CALCA: variants seen among roughly 807,000 people sequenced by gnomAD.
CALCA encodes calcitonin related polypeptide alpha.
A neutral mutation model predicts 6.9 loss-of-function variants in CALCA; 4 were observed. The observed-to-expected ratio is 0.58, with a 90% confidence interval of 0.29 to 1.33. The LOEUF (loss-of-function observed/expected upper bound fraction) is 1.33, where lower values mean the gene tolerates loss of function less well. Ranked by LOEUF, CALCA falls within the 40% of genes most tolerant of loss-of-function variation. The pLI is 0.09. For synonymous variants in CALCA, 78 were observed against 70.0 expected (o/e 1.11, Z -0.57); for missense variants, 174 against 178.3 (o/e 0.98, Z 0.14).
In CALCA at chr11:14,970,038, G is replaced by C. The variant is rs782336914; in HGVS notation, c.124C>G (p.Leu42Val). 1 of 1,614,234 alleles carries C rather than the reference G, an allele frequency of 6.2e-7. No individual in the cohort carries two copies. Among genetic ancestry groups the C allele is most frequent in the Non-Finnish European group, 8.5e-7 (1 of 1,180,040 alleles). Residue 42 changes from leucine to valine, a missense_variant, in exon 3 of 4, where the codon CTC becomes GTC. By Grantham distance (32) the Leu-to-Val change is conservative (BLOSUM62 1). Transcript: ENST00000331587. ...LESSPADPAT[L>V]SEDEARLLLA... ...AGGAGGCGCGCTTCGTCCTCACTGA[G>C]CGTGGCCGGGTCTGCTGGGCTGCTC...
chr11:14,970,069 G>C lies in CALCA; in HGVS notation c.93C>G (p.Ala31=). 1 of 1,614,212 alleles carries C rather than the reference G, an allele frequency of 6.2e-7. No individual in the cohort carries two copies. Among genetic ancestry groups the C allele is most frequent in the Non-Finnish European group, 8.5e-7 (1 of 1,180,024 alleles). ...CCGGGTCTGCTGGGCTGCTCTCCAG[G>C]GCAGACCTGTGGAGGGGAAGCAAAC... The part of the protein sequence containing the change: ...GSLHAAPFRS[A]LESSPADPAT... The change falls in exon 3 of 4, where the codon GCC becomes GCG. Residue 31 remains alanine (A), a synonymous_variant. Transcript: ENST00000331587.
intron 1 of CALCA, among the ~76,000 whole-genome samples, chr11:14,971,943 CT>C (rs1849616405): frequency 2.0e-5 from 3 of 152,194 alleles, no homozygotes; most frequent in Non-Finnish European, 4.4e-5. Context: ...GAAAGTTTCT[CT>C]TGCCTCAGGC....
chr11:14,970,079 T>C lies in CALCA; in HGVS notation c.87-4A>G, dbSNP rs1474402677. The C allele has an allele frequency of 1.2e-6, 2 of 1,614,164 alleles. No homozygotes were observed. Among genetic ancestry groups the C allele is most frequent in the Admixed American group, 1.7e-5 (1 of 60,024 alleles). The stretch of plus-strand genomic sequence containing the variant: ...TGGGCTGCTCTCCAGGGCAGACCTG[T>C]GGAGGGGAAGCAAACTCAGTGCAGG... On this transcript the variant is annotated splice_region_variant and splice_polypyrimidine_tract_variant and intron_variant, in intron 2 of 3. Transcript: ENST00000331587.
downstream of CALCA, chr11:14,968,327 G>T: frequency 2.0e-6 from 1 of 512,192 alleles, no homozygotes; most frequent in African/African-American, 2.0e-5. Context: ...AAGTCCTAGA[G>T]GTGCTTACCT....
At chr11:14,967,796 C>T (rs1555025671), downstream of CALCA, 2 of 1,614,200 alleles carry the variant, frequency 1.2e-6, no homozygotes, top group South Asian at 1.1e-5. Flanking sequence ...CTCAGCAAGC[C>T]TGCCAGCCGA....
chr11:14,971,000 C>T, intron 2 of CALCA, 107 bp downstream of exon 2: 1 of 851,788 alleles, frequency 1.2e-6, no homozygotes, highest in Non-Finnish European at 2.0e-6. Context: ...TGCATGAGTA[C>T]ATACCTTACC....
chr11:14,969,623 C>T (rs1849543200), intron 3 of CALCA, among the ~76,000 whole-genome samples: 1 of 152,220 alleles, frequency 6.6e-6, no homozygotes, highest in African/African-American at 2.4e-5. Flanking sequence ...CTAGTCTTAA[C>T]TCATCCAGTG....
chr11:14,971,012 C>T (rs1253171996), intron 2 of CALCA, 95 bp downstream of exon 2: 16 of 977,842 alleles, frequency 1.6e-5, no homozygotes, highest in Non-Finnish European at 2.0e-5. Context: ...TACCTTACCC[C>T]GGCCCCCTGT....
chr11:14,971,057 G>A (rs782680387), intron 2 of CALCA, 50 bp downstream of exon 2: 1 of 1,396,114 alleles, frequency 7.2e-7, no homozygotes, highest in Non-Finnish European at 1.0e-6. Flanking sequence ...ACACTTAAGA[G>A]GCATGGAATT....
chr11:14,968,937 G>T lies in CALCA; in HGVS notation c.288C>A (p.Tyr96Ter). ...GNLSTCMLGTYTQDFNKFHTF... is the reference protein window; with the variant it reads ...GNLSTCMLGT ...TGTGAAACTTGTTGAAGTCCTGCGT[G>T]TATGTGCCCAGCATGCAAGTACTCA... The change falls in exon 4 of 4, where the codon TAC (tyrosine) becomes TAA (stop). Residue 96 changes from tyrosine (Y) to a stop codon, truncating the protein, a stop_gained. Coordinates refer to ENST00000331587, the MANE Select transcript of CALCA (RefSeq NM_001741.3). LOFTEE classifies it low-confidence loss of function (END_TRUNC). 1.9e-6 allele frequency: 3 copies of T among 1,614,078 alleles called. No homozygotes were observed. Among genetic ancestry groups the T allele is most frequent in the Non-Finnish European group, 2.5e-6 (3 of 1,180,020 alleles).
intron 1 of CALCA, 62 bp from the exon 2 acceptor site, chr11:14,971,263 C>G: frequency 9.9e-7 from 1 of 1,009,094 alleles, no homozygotes; most frequent in East Asian, 2.4e-5. Context: ...GCCCACAGAC[C>G]TTGGCTCCTA....
downstream of CALCA, chr11:14,968,220 A>G (rs184999221): frequency 5.7e-5 from 19 of 334,576 alleles, 1 homozygote; most frequent in Admixed American, 7.5e-4. Context: ...AAAGGACTAT[A>G]AAATCTACAC....
At position 14,968,805 on chromosome 11, in the gene CALCA, G is replaced by C; in HGVS notation, c.420C>G (p.Ala140=). The C allele has an allele frequency of 1.2e-6, 2 of 1,614,126 alleles. No individual in the cohort carries two copies. The highest frequency in any genetic ancestry group is 1.7e-6 in the Non-Finnish European group (2 of 1,180,016). The change falls in exon 4 of 4, where the codon GCC becomes GCG. Residue 140 remains alanine (A), a synonymous_variant. Transcript: ENST00000331587. The part of the protein sequence containing the change: ...HRPHVSMPQN[A]N ...AGGAAGGAAAGGGAGGAGTTTAGTTGGCATTCTGGGGCATGCTAACATGAG... is the reference window on the plus strand; with the variant it reads ...AGGAAGGAAAGGGAGGAGTTTAGTTCGCATTCTGGGGCATGCTAACATGAG...
chr11:14,970,771 G>C (rs1251328877), intron 2 of CALCA, among the ~76,000 whole-genome samples: 1 of 151,934 alleles, frequency 6.6e-6, no homozygotes, highest in Non-Finnish European at 1.5e-5. Context: ...ATGGTGGTGG[G>C]CGCCTGTAAT....
chr11:14,971,968 C>G (rs1245318289), intron 1 of CALCA, among the ~76,000 whole-genome samples: 1 of 152,176 alleles, frequency 6.6e-6, no homozygotes, highest in Non-Finnish European at 1.5e-5. Flanking sequence ...GTGCGCGGTC[C>G]CTGGGGAGCC....
At chr11:14,970,965 T>G in intron 2 of CALCA, 142 bp downstream of exon 2, 4 of 679,592 alleles carry the variant, frequency 5.9e-6, no homozygotes, top group Non-Finnish European at 8.0e-6. Flanking sequence ...GTACCACACA[T>G]TTTTATATCA....
downstream of CALCA, chr11:14,968,054 T>A (rs534836907): frequency 1.5e-6 from 1 of 657,248 alleles, no homozygotes; most frequent in African/African-American, 1.8e-5. Flanking sequence ...CCATAGATAT[T>A]CCCAGGGGTG....
At chr11:14,967,586 A>G, downstream of CALCA, 2 of 1,501,548 alleles carry the variant, frequency 1.3e-6, no homozygotes. Context: ...TTTTAAAACC[A>G]CATGGTCTCA....
chr11:14,972,039 C>A (rs1414091827), intron 1 of CALCA, among the ~76,000 whole-genome samples: 2 of 152,174 alleles, frequency 1.3e-5, no homozygotes, highest in Admixed American at 6.5e-5. Context: ...CTGGAGTCCG[C>A]AGCCGAGCAG....
Sources: gnomAD v4.1 joint callset for allele counts (sites outside exome capture counted in the v4.1 genomes callset) on GRCh38, gnomAD v4.1.1 for gene constraint, MANE v1.5 for transcripts, NCBI Gene and HGNC (gene_info 2026-07-23, HGNC 2026-07-21) for gene names.